The following BRINP3 variants were observed in gnomAD, a reference collection of about 807,000 sequenced individuals.
BRINP3 encodes the protein BMP/retinoic acid-inducible neural-specific protein 3.
A neutral mutation model predicts 71.0 loss-of-function variants in BRINP3; 19 were observed. That is an observed-to-expected ratio of 0.27 (90% CI 0.19 to 0.39). The LOEUF is 0.39. Ranked by LOEUF, BRINP3 falls within the 10% of genes least tolerant of loss-of-function variation. The pLI, the probability that BRINP3 is intolerant of heterozygous loss-of-function variation, is 1.00. For missense variants in BRINP3, 959 were observed against 940.8 expected, an observed-to-expected ratio of 1.02 and a Z score of -0.25; for synonymous variants, 380 against 337.7, an observed-to-expected ratio of 1.13 and a Z score of -1.37.
At chr1:190,326,125 G>A (rs1319036364) in intron 2 of BRINP3, among the ~76,000 whole-genome samples, 1 of 151,910 alleles carries the variant, frequency 6.6e-6, no homozygotes, top group Admixed American at 6.6e-5. Flanking sequence ...AACTCACTTA[G>A]GAAATTTCAA....
chr1:190,365,711 A>G (rs141363375), intron 2 of BRINP3, among the ~76,000 whole-genome samples: 2,362 of 145,980 alleles, frequency 0.016, 57 homozygotes, highest in African/African-American at 0.055. Flanking sequence ...TTATATTATA[A>G]TAGTGCTATA....
Position 190,281,637 on chromosome 1 carries a change from C to T in BRINP3, c.350G>A (p.Arg117Gln), listed in dbSNP as rs868789521. 3.1e-6 allele frequency: 5 copies of T among 1,612,730 alleles called. No homozygotes were observed. Among genetic ancestry groups the T allele is most frequent in the Admixed American group, 1.7e-5 (1 of 59,832 alleles). Residue 117 changes from arginine (R) to glutamine (Q), a missense_variant, in exon 3 of 8, where the codon CGA (arginine) becomes CAA (glutamine). Transcript: ENST00000367462. ...TTCTGTGATTTGCTGAAGGGTAGGTCGACGTCCCAAAAGTCTTATGTTGCG... is the reference window on the plus strand; with the variant it reads ...TTCTGTGATTTGCTGAAGGGTAGGTTGACGTCCCAAAAGTCTTATGTTGCG... ...FFRNIRLLGR[R>Q]PTLQQITENL...
chr1:190,368,366 C>T (rs1669643595), intron 2 of BRINP3, among the ~76,000 whole-genome samples: 2 of 152,084 alleles, frequency 1.3e-5, no homozygotes, highest in South Asian at 4.1e-4. Flanking sequence ...TAAATTACCT[C>T]CCGCTGGGTC....
intron 4 of BRINP3, among the ~76,000 whole-genome samples, chr1:190,247,066 A>G (rs1022198176): frequency 1.3e-5 from 2 of 151,998 alleles, no homozygotes; most frequent in African/African-American, 2.4e-5. Context: ...TTAAAATTAT[A>G]TATTTCAAGT....
Position 190,437,814 on chromosome 1 carries a change from C to T in BRINP3, c.236+16841G>A, listed in dbSNP as rs1206015050. 2.0e-5 allele frequency among the ~76,000 whole-genome samples: 3 copies of T among 151,476 alleles called. No homozygotes were observed. The East Asian group carries it at 5.8e-4, about 29-fold the overall frequency. ...AAAATACATGGAAATGCAATTAATC[C>T]ATTTACTTTTATGTTAAGAGACTTG... On this transcript the variant is annotated intron_variant, in intron 2 of 7. Coordinates refer to ENST00000367462, the MANE Select transcript of BRINP3 (RefSeq NM_199051.3).
At chr1:190,192,597 A>G (rs1263634763) in intron 6 of BRINP3, among the ~76,000 whole-genome samples, 1 of 151,990 alleles carries the variant, frequency 6.6e-6, no homozygotes, top group Non-Finnish European at 1.5e-5. Context: ...CAAAATGAAA[A>G]CTTTCAGTAA....
At chr1:190,337,787 C>T (rs1667386610) in intron 2 of BRINP3, among the ~76,000 whole-genome samples, 1 of 152,086 alleles carries the variant, frequency 6.6e-6, no homozygotes, top group Admixed American at 6.6e-5. Flanking sequence ...ATACACCTAT[C>T]CTATTAGTCC....
chr1:190,184,830 T>A (rs1446577287), intron 6 of BRINP3, among the ~76,000 whole-genome samples: 6 of 151,952 alleles, frequency 3.9e-5, no homozygotes, highest in Admixed American at 3.9e-4. Flanking sequence ...TACCCTAACC[T>A]CAGCATCAAG....
At chr1:190,317,702 A>G (rs773430915) in intron 2 of BRINP3, among the ~76,000 whole-genome samples, 2 of 152,036 alleles carry the variant, frequency 1.3e-5, no homozygotes, top group Non-Finnish European at 2.9e-5. Context: ...TCATACATCT[A>G]TGCCTTTACC....
At chr1:190,203,350 A>G (rs1280672235) in intron 6 of BRINP3, among the ~76,000 whole-genome samples, 1 of 151,796 alleles carries the variant, frequency 6.6e-6, no homozygotes, top group Admixed American at 6.6e-5. Flanking sequence ...TGGGATGAAA[A>G]GAGAACAAAA....
At position 190,299,233 on chromosome 1, in the gene BRINP3, G is replaced by A. The variant is rs752556404; in HGVS notation, c.237-17483C>T. Among the ~76,000 whole-genome samples, 5 of 151,748 alleles carry A rather than the reference G, an allele frequency of 3.3e-5. 1 individual carries two copies. The highest frequency in any genetic ancestry group is 7.4e-5 in the Non-Finnish European group (5 of 67,926). On this transcript the variant is annotated intron_variant, in intron 2 of 7. Coordinates refer to ENST00000367462, the MANE Select transcript of BRINP3 (RefSeq NM_199051.3). ...TTTTTCATAGACAGCTTACATAGGA[G>A]CTAAGTTTTCTTGATCTATTCCACC...
chr1:190,120,948 A>G (rs1653597700), intron 7 of BRINP3, among the ~76,000 whole-genome samples: 1 of 152,214 alleles, frequency 6.6e-6, no homozygotes, highest in Admixed American at 6.5e-5. Flanking sequence ...AGAACAAAAA[A>G]AGGCAGTGAG....
intron 3 of BRINP3, among the ~76,000 whole-genome samples, chr1:190,278,637 G>T (rs1662803572): frequency 1.3e-5 from 2 of 151,426 alleles, no homozygotes; most frequent in Non-Finnish European, 3.0e-5. Flanking sequence ...ATTTTGAGAA[G>T]AAAAATAATT....
intron 4 of BRINP3, among the ~76,000 whole-genome samples, chr1:190,260,444 A>G (rs1027524441): frequency 6.6e-6 from 1 of 152,138 alleles, no homozygotes; most frequent in Non-Finnish European, 1.5e-5. Context: ...AAGAGTACCA[A>G]ATATGAATCT....
At chr1:190,176,132 A>G (rs1433935065) in intron 6 of BRINP3, among the ~76,000 whole-genome samples, 1 of 152,144 alleles carries the variant, frequency 6.6e-6, no homozygotes, top group African/African-American at 2.4e-5. Context: ...AGAGTATAAT[A>G]CTTTGTAGGC....
At chr1:190,121,510 G>A (rs1653659128) in intron 7 of BRINP3, among the ~76,000 whole-genome samples, 1 of 152,084 alleles carries the variant, frequency 6.6e-6, no homozygotes, top group Non-Finnish European at 1.5e-5. Flanking sequence ...TGATATGTTT[G>A]TATTTACTGC....
chr1:190,198,983 T>C (rs1433625303), intron 6 of BRINP3, among the ~76,000 whole-genome samples: 1 of 151,920 alleles, frequency 6.6e-6, no homozygotes, highest in Non-Finnish European at 1.5e-5. Context: ...GGATAATGTA[T>C]AAAGGAAAGG....
At chr1:190,143,790 G>C (rs1269202698) in intron 7 of BRINP3, among the ~76,000 whole-genome samples, 2 of 152,118 alleles carry the variant, frequency 1.3e-5, no homozygotes, top group East Asian at 3.9e-4. Flanking sequence ...CAAATTCAAG[G>C]TGGTGGCCAG....
intron 6 of BRINP3, among the ~76,000 whole-genome samples, chr1:190,174,066 C>T (rs572545231): frequency 6.6e-6 from 1 of 152,268 alleles, no homozygotes; most frequent in East Asian, 1.9e-4. Flanking sequence ...CAGATTTCTC[C>T]TGATACACTT....
Sources: gnomAD v4.1 joint callset for allele counts (sites outside exome capture counted in the v4.1 genomes callset) on GRCh38, gnomAD v4.1.1 for gene constraint, MANE v1.5 for transcripts, NCBI Gene and HGNC (gene_info 2026-07-23, HGNC 2026-07-21) for gene names.